Variants in ADAMTS9 observed in about 807,000 individuals in gnomAD.
The protein encoded by ADAMTS9 is ADAM metallopeptidase with thrombospondin type 1 motif 9, also known as A disintegrin and metalloproteinase with thrombospondin motifs 9.
ADAMTS9 carries 107 observed loss-of-function variants against 257.1 expected under a neutral mutation model. The ratio of observed to expected loss-of-function variants is 0.42; its 90% CI spans 0.36 to 0.49. ADAMTS9 has a LOEUF of 0.49. Among genes scored for constraint, ADAMTS9 ranks in the 20% least tolerant of loss-of-function variants. ADAMTS9 has a pLI of 0.03. For synonymous variants in ADAMTS9, 982 were observed against 880.9 expected (o/e 1.11, Z -2.03); for missense variants, 2,353 against 2,469.1 (o/e 0.95, Z 1.00).
chr3:64,522,006 C>T (rs561051462), intron 39 of ADAMTS9, among the ~76,000 whole-genome samples, 160 bp downstream of exon 39: 13 of 152,326 alleles, frequency 8.5e-5, no homozygotes, highest in East Asian at 5.8e-4. Context: ...GCTTCAGTCA[C>T]GTGAGGACAG....
chr3:64,521,260 C>T (rs1023366651), intron 39 of ADAMTS9, among the ~76,000 whole-genome samples: 7 of 152,084 alleles, frequency 4.6e-5, no homozygotes, highest in African/African-American at 1.7e-4. Flanking sequence ...ACATCTCATG[C>T]CAATCAGAAT....
chr3:64,538,674 G>A (rs932766387), intron 37 of ADAMTS9, among the ~76,000 whole-genome samples: 6 of 152,310 alleles, frequency 3.9e-5, no homozygotes, highest in African/African-American at 1.2e-4. Context: ...AAGGCTGACA[G>A]TGGTGTGTTG....
chr3:64,541,476 C>T, intron 34 of ADAMTS9, 50 bp downstream of exon 34: 5 of 1,605,596 alleles, frequency 3.1e-6, no homozygotes, highest in Non-Finnish European at 4.3e-6. Context: ...GAGCGGTGAT[C>T]ACTCACTCTA....
chr3:64,573,647 A>T (rs2083757131), intron 28 of ADAMTS9, among the ~76,000 whole-genome samples: 2 of 152,224 alleles, frequency 1.3e-5, no homozygotes, highest in South Asian at 4.1e-4. Context: ...ACTCTTCTTG[A>T]TTCCACTCTC....
chr3:64,681,461 T>C lies in ADAMTS9; in HGVS notation c.517-98A>G, dbSNP rs1036945671. The C allele has an allele frequency of 6.1e-6, 8 of 1,301,090 alleles. No individual in the cohort carries two copies. The African/African-American group carries it at 1.0e-4, about 17-fold the overall frequency. 80.6% of individuals were successfully genotyped at this position (1,301,090 alleles called of 1,614,324 possible). ...TTTTCAAGTAGAGATGGTGTCATTT[T>C]ACCCAATCTCTTTTTCAGGAGGGTT... is the stretch of plus-strand genomic sequence containing the variant. On this transcript the variant is annotated intron_variant, in intron 2 of 39. Coordinates refer to ENST00000498707, the MANE Select transcript of ADAMTS9 (RefSeq NM_182920.2).
chr3:64,597,988 C>G (rs907068271), intron 26 of ADAMTS9, among the ~76,000 whole-genome samples: 1 of 152,186 alleles, frequency 6.6e-6, no homozygotes, highest in East Asian at 1.9e-4. Context: ...CTAATCGTAG[C>G]TCATATCAGT....
chr3:64,540,980 GT>G (rs2083113195), intron 36 of ADAMTS9, 114 bp downstream of exon 36: 25 of 98,176 alleles, frequency 2.5e-4, no homozygotes, highest in Non-Finnish European at 9.6e-4. Context: ...ACTAGCCAAT[GT>G]GCAATGTGCA....
intron 11 of ADAMTS9, among the ~76,000 whole-genome samples, chr3:64,644,571 A>C (rs1213740968): frequency 6.6e-6 from 1 of 152,208 alleles, no homozygotes; most frequent in East Asian, 1.9e-4. Flanking sequence ...GGTCAGAGAG[A>C]TGTAAGCAGA....
In ADAMTS9 at chr3:64,551,096, G is replaced by A. The variant is rs146650362; in HGVS notation, c.4699-34C>T. The A allele has an allele frequency of 1.1e-3, 1,778 of 1,606,000 alleles. 19 individuals carry two copies. In the African/African-American group the frequency reaches 0.017, roughly 15 times the overall value. On this transcript the variant is annotated intron_variant, in intron 30 of 39. Coordinates refer to ENST00000498707, the MANE Select transcript of ADAMTS9 (RefSeq NM_182920.2). ...TACAAGCAAAAGAGAAGAATAAACC[G>A]TAGTTCCTTATATCCTATGACTGTA... is the stretch of plus-strand genomic sequence containing the variant.
chr3:64,642,296 G>A (rs1367904724), intron 11 of ADAMTS9, among the ~76,000 whole-genome samples: 1 of 152,160 alleles, frequency 6.6e-6, no homozygotes, highest in Non-Finnish European at 1.5e-5. Flanking sequence ...GAAAAACCAG[G>A]AGTGGAAATG....
chr3:64,634,089 G>A (rs1243224540), intron 12 of ADAMTS9, among the ~76,000 whole-genome samples: 3 of 151,928 alleles, frequency 2.0e-5, no homozygotes, highest in East Asian at 2.0e-4. Flanking sequence ...CTTGGCCTCC[G>A]CAATCTTCCC....
At chr3:64,670,011 C>T (rs28410401) in intron 3 of ADAMTS9, among the ~76,000 whole-genome samples, 4,955 of 152,230 alleles carry the variant, frequency 0.033, 141 homozygotes, top group East Asian at 0.12. Flanking sequence ...GTCCACAAAG[C>T]ACAGAATGGA....
At chr3:64,553,314 C>G (rs1231056391) in intron 30 of ADAMTS9, among the ~76,000 whole-genome samples, 1 of 152,126 alleles carries the variant, frequency 6.6e-6, no homozygotes, top group Non-Finnish European at 1.5e-5. Flanking sequence ...AATATGTGGC[C>G]TTTATTACCT....
At chr3:64,622,735 G>C (rs893887519) in intron 16 of ADAMTS9, 149 bp from the exon 17 acceptor site, 7 of 747,488 alleles carry the variant, frequency 9.4e-6, no homozygotes, top group Non-Finnish European at 1.5e-5. Context: ...TCCCAAGTTT[G>C]CTACTTGCCA....
chr3:64,522,246 G>T lies in ADAMTS9; in HGVS notation c.5733C>A (p.Val1911=). The change falls in exon 39 of 40, where the codon GTC becomes GTA. Residue 1911 remains valine (V), a synonymous_variant. Coordinates refer to ENST00000498707, the MANE Select transcript of ADAMTS9 (RefSeq NM_182920.2). ...CACAGTAACCACCGCATTTCCCTAC[G>T]ACTCGGGTACCATCCTGCAAGGAGA... is the stretch of plus-strand genomic sequence containing the variant. ...DIKKSPDGTR[V]VGKCGGYCGK... 2 of 1,613,958 alleles carry T rather than the reference G, an allele frequency of 1.2e-6. No individual in the cohort carries two copies. The highest frequency in any genetic ancestry group is 1.7e-4 in the Middle Eastern group (1 of 6,060).
At chr3:64,678,857 A>C (rs982193442) in intron 3 of ADAMTS9, among the ~76,000 whole-genome samples, 24 of 152,326 alleles carry the variant, frequency 1.6e-4, no homozygotes, top group Admixed American at 1.1e-3. Flanking sequence ...GCTGGAAGAG[A>C]GAGACCAGAG....
chr3:64,614,348 T>A (rs1234529238), intron 21 of ADAMTS9, among the ~76,000 whole-genome samples: 1 of 152,222 alleles, frequency 6.6e-6, no homozygotes, highest in East Asian at 1.9e-4. Flanking sequence ...AGGTTTGCAG[T>A]TCATTTGTCC....
intron 38 of ADAMTS9, among the ~76,000 whole-genome samples, chr3:64,530,808 C>A (rs541186344): frequency 6.6e-6 from 1 of 152,284 alleles, no homozygotes; most frequent in East Asian, 1.9e-4. Context: ...CTCACTCTAT[C>A]ACCCAGGCTG....
chr3:64,652,568 C>T (rs2106950696), intron 8 of ADAMTS9, among the ~76,000 whole-genome samples: 1 of 152,248 alleles, frequency 6.6e-6, no homozygotes, highest in African/African-American at 2.4e-5. Context: ...CCCACAATTA[C>T]TTGATAAAGT....
Sources: gnomAD v4.1 joint callset for allele counts (sites outside exome capture counted in the v4.1 genomes callset) on GRCh38, gnomAD v4.1.1 for gene constraint, MANE v1.5 for transcripts, NCBI Gene and HGNC (gene_info 2026-07-23, HGNC 2026-07-21) for gene names.